The following MACROD2 variants were observed in gnomAD, a reference collection of about 807,000 sequenced individuals.
MACROD2 encodes ADP-ribose glycohydrolase MACROD2.
Under a neutral mutation model 70.4 loss-of-function variants are expected in MACROD2, and 36 were observed. The ratio of observed to expected loss-of-function variants is 0.51; its 90% CI spans 0.39 to 0.68. The LOEUF (loss-of-function observed/expected upper bound fraction) is 0.68, where lower values mean the gene tolerates loss of function less well. MACROD2 is among the 30% of genes least tolerant of loss of function. MACROD2 has a pLI of 0.00. For synonymous variants in MACROD2, 172 were observed against 178.8 expected, an observed-to-expected ratio of 0.96 and a Z score of 0.30; for missense variants, 496 against 538.4, an observed-to-expected ratio of 0.92 and a Z score of 0.78.
At chr20:15,873,775 T>G (rs1005815046) in intron 9 of MACROD2, among the ~76,000 whole-genome samples, 28 of 152,080 alleles carry the variant, frequency 1.8e-4, no homozygotes, top group Non-Finnish European at 2.9e-5. Flanking sequence ...GAAGAAACCC[T>G]TTTTAATGAA....
intron 5 of MACROD2, among the ~76,000 whole-genome samples, chr20:14,974,457 C>T (rs2074719827): frequency 6.6e-6 from 1 of 152,062 alleles, no homozygotes; most frequent in Non-Finnish European, 1.5e-5. Flanking sequence ...TGTCTATTTA[C>T]AAAGGAGCCA....
At chr20:14,859,859 G>C (rs915046501) in intron 5 of MACROD2, among the ~76,000 whole-genome samples, 5 of 152,048 alleles carry the variant, frequency 3.3e-5, no homozygotes, top group African/African-American at 1.2e-4. Context: ...GTACTAAATA[G>C]GAGAAAAGAC....
intron 6 of MACROD2, among the ~76,000 whole-genome samples, chr20:15,422,223 C>G (rs1436777821): frequency 6.6e-6 from 1 of 152,094 alleles, no homozygotes; most frequent in Non-Finnish European, 1.5e-5. Context: ...GGACATGACA[C>G]TATTTAGTCT....
chr20:14,608,394 T>C (rs1324944676), intron 4 of MACROD2, among the ~76,000 whole-genome samples: 1 of 152,212 alleles, frequency 6.6e-6, no homozygotes, highest in East Asian at 1.9e-4. Context: ...CCTATTTTGC[T>C]ATTTACTGAA....
intron 5 of MACROD2, among the ~76,000 whole-genome samples, chr20:14,781,033 T>C (rs1295490698): frequency 6.6e-6 from 1 of 152,150 alleles, no homozygotes; most frequent in Non-Finnish European, 1.5e-5. Flanking sequence ...CAAATATTTA[T>C]GATATTTTTG....
intron 7 of MACROD2, among the ~76,000 whole-genome samples, chr20:15,450,572 G>GGT (rs1276553162): frequency 6.6e-6 from 1 of 152,080 alleles, no homozygotes; most frequent in Non-Finnish European, 1.5e-5. Flanking sequence ...GAGAGAATGT[G>GGT]GTGTGTGTGT....
At chr20:15,926,988 C>T (rs531931998) in intron 10 of MACROD2, among the ~76,000 whole-genome samples, 18 of 152,176 alleles carry the variant, frequency 1.2e-4, no homozygotes, top group African/African-American at 4.3e-4. Flanking sequence ...TTGCCACCAC[C>T]CAGGATAGAG....
intron 5 of MACROD2, among the ~76,000 whole-genome samples, chr20:14,833,897 G>T (rs1226223140): frequency 6.6e-6 from 1 of 152,050 alleles, no homozygotes; most frequent in African/African-American, 2.4e-5. Context: ...AACAAAAAAT[G>T]TGGCAACTCT....
chr20:15,895,494 G>A (rs570774606), intron 10 of MACROD2, among the ~76,000 whole-genome samples: 1 of 152,234 alleles, frequency 6.6e-6, no homozygotes, highest in Non-Finnish European at 1.5e-5. Flanking sequence ...AGGCAGCGGT[G>A]GATGATTCCA....
chr20:15,070,030 A>G (rs1485175276), intron 5 of MACROD2, among the ~76,000 whole-genome samples: 1 of 152,186 alleles, frequency 6.6e-6, no homozygotes, highest in Non-Finnish European at 1.5e-5. Flanking sequence ...AAGCAGTCAC[A>G]GAGCACAGAG....
chr20:15,857,203 C>G, intron 8 of MACROD2, among the ~76,000 whole-genome samples: 1 of 152,092 alleles, frequency 6.6e-6, no homozygotes, highest in Non-Finnish European at 1.5e-5. Context: ...TAACCGGGGC[C>G]CATGGAATGG....
At chr20:16,032,637 AGAGG>A (rs1156469600) in intron 15 of MACROD2, among the ~76,000 whole-genome samples, 13 of 150,776 alleles carry the variant, frequency 8.6e-5, no homozygotes, top group Admixed American at 2.6e-4. Flanking sequence ...AAGGAAGAAA[AGAGG>A]GAGGGAAGAA....
intron 3 of MACROD2, chr20:14,327,355 G>A: frequency 6.2e-7 from 1 of 1,613,760 alleles, no homozygotes; most frequent in Non-Finnish European, 8.5e-7. Context: ...TGTTGGAATG[G>A]ATGTCAGAAA....
At chr20:14,085,023 T>C (rs1298646331) in intron 2 of MACROD2, among the ~76,000 whole-genome samples, 1 of 9,464 alleles carries the variant, frequency 1.1e-4, no homozygotes, top group African/African-American at 4.5e-4. Flanking sequence ...AGCTACTTGG[T>C]TGGGGGGTGG....
chr20:14,352,530 T>A (rs1421514862), intron 3 of MACROD2: 31 of 152,176 alleles, frequency 2.0e-4, no homozygotes, highest in Non-Finnish European at 1.5e-5. Flanking sequence ...GACACTCTTT[T>A]AATGAATTTG....
In MACROD2 at chr20:15,839,458, C is replaced by T. The variant is rs557183567; in HGVS notation, c.646-23287C>T. Among the ~76,000 whole-genome samples the T allele has an allele frequency of 4.0e-3, 613 of 152,272 alleles. 3 individuals carry two copies. Among genetic ancestry groups the T allele is most frequent in the Admixed American group, 5.0e-3 (76 of 15,286 alleles). On this transcript the variant is annotated intron_variant, in intron 8 of 17. Transcript: ENST00000684519. ...AGGCTAAGTTAGTTCCAAGGCTGGG[C>T]CTCGTAAGACCTTGTGCATTTTCAC... is the stretch of plus-strand genomic sequence containing the variant.
chr20:14,907,077 A>G (rs1348115414), intron 5 of MACROD2, among the ~76,000 whole-genome samples: 1 of 152,176 alleles, frequency 6.6e-6, no homozygotes, highest in East Asian at 1.9e-4. Flanking sequence ...AGTTTTCCAT[A>G]AGACACACCT....
intron 5 of MACROD2, among the ~76,000 whole-genome samples, chr20:15,088,402 TA>T (rs2075765841): frequency 6.3e-4 from 1 of 1,600 alleles, no homozygotes; most frequent in Non-Finnish European, 2.3e-3. Flanking sequence ...ATATTTTATA[TA>T]TATATATATA....
intron 5 of MACROD2, among the ~76,000 whole-genome samples, chr20:15,126,007 G>A (rs1055173386): frequency 7.5e-6 from 1 of 133,846 alleles, no homozygotes; most frequent in African/African-American, 2.5e-5. Context: ...GCATGTATCA[G>A]TACTTCATTC....
Sources: gnomAD v4.1 joint callset for allele counts (sites outside exome capture counted in the v4.1 genomes callset) on GRCh38, gnomAD v4.1.1 for gene constraint, MANE v1.5 for transcripts, NCBI Gene and HGNC (gene_info 2026-07-23, HGNC 2026-07-21) for gene names.